Variants in SPATS2L observed in about 807,000 individuals in gnomAD.
SPATS2L encodes spermatogenesis associated serine rich 2 like, also known as SPATS2-like protein.
Under a neutral mutation model 59.6 loss-of-function variants are expected in SPATS2L, and 30 were observed. The observed-to-expected ratio is 0.50, with a 90% CI of 0.38 to 0.68. The LOEUF is 0.68. Ranked by LOEUF, SPATS2L falls within the 30% of genes least tolerant of loss-of-function variation. The pLI, the probability that SPATS2L is intolerant of heterozygous loss-of-function variation, is 0.00. For synonymous variants in SPATS2L, 252 were observed against 263.5 expected (o/e 0.96, Z 0.42); for missense variants, 615 against 700.0 (o/e 0.88, Z 1.37).
rs571899997 is a variant in SPATS2L at position 200,419,345 on chromosome 2, G to A, written c.294G>A (p.Pro98=). 65 of 1,610,752 alleles carry A rather than the reference G, an allele frequency of 4.0e-5. No individual in the cohort carries two copies. In the African/African-American group the frequency reaches 4.5e-4, roughly 11 times the overall value. ...VERPEAGPLQ[P]QPPQIQNGPM... is the part of the protein sequence containing the mutation. ...GGCCTGAGGCAGGGCCCCTGCAGCC[G>A]CAGCCACCACAGATTCAAAACGGCC... The change falls in exon 6 of 13, where the codon CCG becomes CCA. Residue 98 remains proline (P), a synonymous_variant. Transcript: ENST00000409140.
chr2:200,369,591 T>C (rs2081365609), intron 2 of SPATS2L, among the ~76,000 whole-genome samples: 1 of 152,060 alleles, frequency 6.6e-6, no homozygotes, highest in Non-Finnish European at 1.5e-5. Context: ...ATAGTAAGTA[T>C]AATAATACTT....
chr2:200,452,886 T>C (rs1351215706), intron 8 of SPATS2L, among the ~76,000 whole-genome samples: 2 of 40,828 alleles, frequency 4.9e-5, no homozygotes, highest in Non-Finnish European at 1.4e-4. Context: ...TCACCAGTGC[T>C]GCATTTAAAA....
At chr2:200,335,191 A>G (rs1574425859) in intron 2 of SPATS2L, among the ~76,000 whole-genome samples, 1 of 152,102 alleles carries the variant, frequency 6.6e-6, no homozygotes, top group East Asian at 1.9e-4. Flanking sequence ...CTTTGTTGCT[A>G]AGGTGTGTAT....
chr2:200,348,885 G>GAAAAA (rs796498029), intron 2 of SPATS2L, among the ~76,000 whole-genome samples: 138 of 130,850 alleles, frequency 1.1e-3, no homozygotes, highest in Non-Finnish European at 8.6e-4. Flanking sequence ...GTTTCATTAA[G>GAAAAA]AAAAAAAAAA....
chr2:200,362,661 C>G (rs185863390), intron 2 of SPATS2L, among the ~76,000 whole-genome samples: 76 of 152,294 alleles, frequency 5.0e-4, no homozygotes, highest in Non-Finnish European at 6.8e-4. Flanking sequence ...ATTGTGCACC[C>G]AGGTAGAAGG....
chr2:200,382,530 C>A (rs1174053752), intron 2 of SPATS2L, among the ~76,000 whole-genome samples: 1 of 152,144 alleles, frequency 6.6e-6, no homozygotes, highest in East Asian at 1.9e-4. Context: ...CGGTTTTATT[C>A]CCCTGGTGGA....
intron 1 of SPATS2L, among the ~76,000 whole-genome samples, chr2:200,314,090 A>G (rs1002418014): frequency 2.0e-5 from 3 of 152,122 alleles, no homozygotes; most frequent in Non-Finnish European, 2.9e-5. Flanking sequence ...TATGCCATTG[A>G]TTCCATTGTA....
intron 2 of SPATS2L, among the ~76,000 whole-genome samples, chr2:200,377,512 G>C (rs922349263): frequency 6.6e-6 from 1 of 152,170 alleles, no homozygotes; most frequent in Non-Finnish European, 1.5e-5. Flanking sequence ...TAGAATGTAT[G>C]TGTTAGATTT....
At chr2:200,431,013 C>T (rs1197079770) in intron 6 of SPATS2L, among the ~76,000 whole-genome samples, 2 of 152,100 alleles carry the variant, frequency 1.3e-5, no homozygotes, top group South Asian at 4.1e-4. Context: ...CCATCGCACC[C>T]GGCCTCCATT....
chr2:200,463,588 C>G (rs976433048), intron 9 of SPATS2L, among the ~76,000 whole-genome samples: 1 of 152,160 alleles, frequency 6.6e-6, no homozygotes, highest in Non-Finnish European at 1.5e-5. Flanking sequence ...CACAATACCC[C>G]TACAACATGT....
At chr2:200,422,155 G>C (rs2083331413) in intron 6 of SPATS2L, among the ~76,000 whole-genome samples, 1 of 152,184 alleles carries the variant, frequency 6.6e-6, no homozygotes, top group African/African-American at 2.4e-5. Context: ...TGTTTTTTAA[G>C]TATAGCATGA....
chr2:200,440,656 T>G lies in SPATS2L; in HGVS notation c.660T>G (p.Asn220Lys), dbSNP rs2084634951. Residue 220 changes from asparagine (N) to lysine (K), a missense_variant, in exon 8 of 13, where the codon AAT (asparagine) becomes AAG (lysine). Transcript: ENST00000409140. Reference protein sequence around the residue: ...PDELAKKRGPNIEKSVKDLQR... With the variant: ...PDELAKKRGPKIEKSVKDLQR... ...TTTTGACATCAATTTTAGGCCCAAA[T>G]ATTGAGAAATCAGTGAAGGATTTGC... The G allele has an allele frequency of 3.1e-6, 5 of 1,612,326 alleles. No homozygotes were observed. The highest frequency in any genetic ancestry group is 4.2e-6 in the Non-Finnish European group (5 of 1,179,010).
intron 2 of SPATS2L, among the ~76,000 whole-genome samples, chr2:200,350,208 G>A (rs1047679224): frequency 6.0e-5 from 9 of 151,130 alleles, no homozygotes; most frequent in Non-Finnish European, 1.0e-4. Context: ...GTGGCCAGAC[G>A]GCTGGCTTCT....
chr2:200,312,186 G>T (rs191382468), intron 1 of SPATS2L, among the ~76,000 whole-genome samples: 5 of 152,286 alleles, frequency 3.3e-5, no homozygotes, highest in Admixed American at 2.6e-4. Context: ...TTCCTGGATA[G>T]CATCCAGCTC....
chr2:200,440,859 A>G, intron 8 of SPATS2L, 75 bp downstream of exon 8: 1 of 1,524,490 alleles, frequency 6.6e-7, no homozygotes, highest in Non-Finnish European at 8.9e-7. Context: ...TCAGATGGAA[A>G]ACGTTGTTTA....
At chr2:200,359,363 T>C (rs903018208) in intron 2 of SPATS2L, among the ~76,000 whole-genome samples, 2 of 152,194 alleles carry the variant, frequency 1.3e-5, no homozygotes, top group Admixed American at 6.5e-5. Context: ...TCCATCCAGC[T>C]TGCACCCTAA....
intron 10 of SPATS2L, 82 bp downstream of exon 10, chr2:200,467,481 G>T: frequency 1.1e-6 from 1 of 949,362 alleles, no homozygotes; most frequent in Non-Finnish European, 1.7e-6. Flanking sequence ...ACAGAGTTCT[G>T]CTCTCTGAGG....
At chr2:200,356,009 G>A (rs536100194) in intron 2 of SPATS2L, among the ~76,000 whole-genome samples, 3 of 152,242 alleles carry the variant, frequency 2.0e-5, no homozygotes, top group Admixed American at 2.0e-4. Flanking sequence ...TCTATGTAAT[G>A]GTTGACTAAA....
chr2:200,385,886 G>T (rs2081976751), intron 2 of SPATS2L, among the ~76,000 whole-genome samples: 2 of 151,904 alleles, frequency 1.3e-5, no homozygotes, highest in Non-Finnish European at 2.9e-5. Context: ...GTGGAGACAG[G>T]GTTTCACTGT....
Sources: allele counts gnomAD v4.1 joint callset (sites outside exome capture counted in the v4.1 genomes callset), GRCh38; gene constraint gnomAD v4.1.1; transcripts MANE v1.5; gene names NCBI Gene and HGNC (gene_info 2026-07-23, HGNC 2026-07-21).